SDK1: variants seen among roughly 807,000 people sequenced by gnomAD.
The protein encoded by SDK1 is protein sidekick-1.
Under a neutral mutation model 245.5 loss-of-function variants are expected in SDK1, and 157 were observed. The observed-to-expected ratio is 0.64, with a 90% CI of 0.56 to 0.73. The LOEUF (loss-of-function observed/expected upper bound fraction) is 0.73, where lower values mean the gene tolerates loss of function less well. Ranked by LOEUF, SDK1 falls within the 30% of genes least tolerant of loss-of-function variation. The pLI, the probability that SDK1 is intolerant of heterozygous loss-of-function variation, is 0.00. For missense variants in SDK1, 3,583 were observed against 3,002.3 expected (o/e 1.19, Z -4.52); for synonymous variants, 1,647 against 1,278.5 (o/e 1.29, Z -6.15).
intron 2 of SDK1, among the ~76,000 whole-genome samples, chr7:3,633,016 A>G (rs1035892568): frequency 6.6e-6 from 1 of 152,164 alleles, no homozygotes; most frequent in Non-Finnish European, 1.5e-5. Context: ...CCAAAAAGAG[A>G]ATTGATGTAT....
At chr7:3,684,063 C>T (rs539083152) in intron 4 of SDK1, among the ~76,000 whole-genome samples, 4 of 152,276 alleles carry the variant, frequency 2.6e-5, no homozygotes, top group Middle Eastern at 3.4e-3. Context: ...GCTCAAGTTC[C>T]GCTGTGGGGT....
chr7:3,333,627 C>A (rs780308201), intron 1 of SDK1, among the ~76,000 whole-genome samples: 1 of 152,064 alleles, frequency 6.6e-6, no homozygotes, highest in Non-Finnish European at 1.5e-5. Flanking sequence ...CCATGCATAC[C>A]CCTAACCTAG....
At chr7:4,002,631 A>G (rs1331993927) in intron 14 of SDK1, among the ~76,000 whole-genome samples, 1 of 152,126 alleles carries the variant, frequency 6.6e-6, no homozygotes, top group Non-Finnish European at 1.5e-5. Context: ...AACTTCTATC[A>G]TTTTTTATGG....
intron 22 of SDK1, among the ~76,000 whole-genome samples, chr7:4,089,869 C>T (rs979212761): frequency 1.6e-4 from 25 of 152,232 alleles, no homozygotes; most frequent in African/African-American, 5.5e-4. Flanking sequence ...CAAAAGCCCT[C>T]GGTAACAAAA....
At chr7:3,762,615 T>G (rs1780140595) in intron 4 of SDK1, among the ~76,000 whole-genome samples, 1 of 152,218 alleles carries the variant, frequency 6.6e-6, no homozygotes, top group Non-Finnish European at 1.5e-5. Flanking sequence ...CTTGTGGTGT[T>G]TGAGCGGCCA....
chr7:3,494,445 A>G (rs930486206), intron 1 of SDK1, among the ~76,000 whole-genome samples: 10 of 152,148 alleles, frequency 6.6e-5, no homozygotes, highest in African/African-American at 2.4e-4. Context: ...GGGTATCAAC[A>G]TTATGGGAAG....
At chr7:3,567,161 A>T (rs964297637) in intron 1 of SDK1, among the ~76,000 whole-genome samples, 2 of 152,226 alleles carry the variant, frequency 1.3e-5, no homozygotes. Flanking sequence ...TAGGTTTTTT[A>T]AAAACACTGA....
intron 1 of SDK1, among the ~76,000 whole-genome samples, chr7:3,377,741 C>T (rs10270365): frequency 0.46 from 69,498 of 151,914 alleles, 18,036 homozygotes; most frequent in East Asian, 0.62. Context: ...TTCCTAGCCA[C>T]GCTGTTCCAA....
intron 14 of SDK1, among the ~76,000 whole-genome samples, chr7:3,990,205 C>A (rs951089223): frequency 6.6e-6 from 1 of 152,246 alleles, no homozygotes; most frequent in Non-Finnish European, 1.5e-5. Flanking sequence ...TATTCCGGGT[C>A]TTAGGCTTCT....
chr7:3,338,966 T>C (rs1780274853), intron 1 of SDK1, among the ~76,000 whole-genome samples: 1 of 152,198 alleles, frequency 6.6e-6, no homozygotes, highest in Admixed American at 6.5e-5. Context: ...GTCATACTAA[T>C]AATTGGCTTA....
At chr7:3,420,658 T>C (rs1779510422) in intron 1 of SDK1, among the ~76,000 whole-genome samples, 1 of 152,218 alleles carries the variant, frequency 6.6e-6, no homozygotes, top group Admixed American at 6.5e-5. Context: ...AGCAAGTTGT[T>C]ATTTTAGAGA....
At chr7:4,167,232 A>G (rs1277666151) in intron 32 of SDK1, among the ~76,000 whole-genome samples, 1 of 152,142 alleles carries the variant, frequency 6.6e-6, no homozygotes, top group Non-Finnish European at 1.5e-5. Context: ...TCTACCAAAA[A>G]TACAAAAATT....
At chr7:4,190,612 G>A (rs1184910345) in intron 35 of SDK1, among the ~76,000 whole-genome samples, 1 of 152,250 alleles carries the variant, frequency 6.6e-6, no homozygotes, top group African/African-American at 2.4e-5. Flanking sequence ...CTCCGCCGTG[G>A]GGGATTCTCC....
At position 3,616,721 on chromosome 7, in the gene SDK1, A is replaced by C. The variant is rs1038538747; in HGVS notation, c.299-2359A>C. 3.3e-5 allele frequency among the ~76,000 whole-genome samples: 5 copies of C among 152,358 alleles called. No homozygotes were observed. The South Asian group carries it at 1.0e-3, about 32-fold the overall frequency. ...ATGGAATATAGTGATCAACAAAATG[A>C]CAAAATAACCTATGTATTTATATTT... On this transcript the variant is annotated intron_variant, in intron 1 of 44. Coordinates refer to ENST00000404826, the MANE Select transcript of SDK1 (RefSeq NM_152744.4).
chr7:3,613,632 A>G (rs1020561989), intron 1 of SDK1, among the ~76,000 whole-genome samples: 1 of 152,232 alleles, frequency 6.6e-6, no homozygotes, highest in African/African-American at 2.4e-5. Flanking sequence ...CAGCAATTAC[A>G]TCACTGGGTA....
chr7:3,415,821 C>T (rs1409084987), intron 1 of SDK1, among the ~76,000 whole-genome samples: 2 of 152,034 alleles, frequency 1.3e-5, no homozygotes, highest in South Asian at 2.1e-4. Context: ...CATTGCCTAG[C>T]ACTTAAGTGT....
intron 25 of SDK1, among the ~76,000 whole-genome samples, chr7:4,120,384 A>G (rs1253877091): frequency 1.3e-5 from 2 of 148,896 alleles, no homozygotes; most frequent in Non-Finnish European, 3.0e-5. Context: ...TGAAAGGCAA[A>G]TAATCACAAA....
chr7:3,403,385 A>G (rs887219013), intron 1 of SDK1, among the ~76,000 whole-genome samples: 1 of 152,150 alleles, frequency 6.6e-6, no homozygotes, highest in Non-Finnish European at 1.5e-5. Context: ...ATTTTGGAGA[A>G]TTGTTAGTTA....
chr7:3,381,560 T>G lies in SDK1; in HGVS notation c.298+79676T>G, dbSNP rs984940689. Among the ~76,000 whole-genome samples the G allele has an allele frequency of 1.2e-4, 18 of 152,130 alleles. 1 individual carries two copies. Among genetic ancestry groups the G allele is most frequent in the African/African-American group, 4.1e-4 (17 of 41,420 alleles). On this transcript the variant is annotated intron_variant, in intron 1 of 44. Transcript: ENST00000404826. Reference sequence around the variant, plus strand: ...AAAAGCCTTTTTGTGTTGGTTGTTTTAAAGGCTGGCGATACTGTAGCATGC... The same window carrying G: ...AAAAGCCTTTTTGTGTTGGTTGTTTGAAAGGCTGGCGATACTGTAGCATGC...
Sources: gnomAD v4.1 joint callset for allele counts (sites outside exome capture counted in the v4.1 genomes callset) on GRCh38, gnomAD v4.1.1 for gene constraint, MANE v1.5 for transcripts, NCBI Gene and HGNC (gene_info 2026-07-23, HGNC 2026-07-21) for gene names.